RANGAP1: variants seen among roughly 807,000 people sequenced by gnomAD.
RANGAP1 encodes the protein ran GTPase-activating protein 1.
A neutral mutation model predicts 63.5 loss-of-function variants in RANGAP1; 38 were observed. That is an observed-to-expected ratio of 0.60 (90% CI 0.46 to 0.78). RANGAP1 has a LOEUF of 0.78. Ranked by LOEUF, RANGAP1 falls within the 30% of genes least tolerant of loss-of-function variation. RANGAP1 has a pLI of 0.00. For synonymous variants in RANGAP1, 329 were observed against 310.5 expected, an observed-to-expected ratio of 1.06 and a Z score of -0.63; for missense variants, 630 against 740.3, an observed-to-expected ratio of 0.85 and a Z score of 1.73.
At chr22:41,274,822 T>C in intron 2 of RANGAP1, 95 bp from the exon 3 acceptor site, 1 of 1,495,080 alleles carries the variant, frequency 6.7e-7, no homozygotes, top group Non-Finnish European at 9.1e-7. Context: ...CTCAACAGTC[T>C]ATGGTGCACC....
At chr22:41,281,301 A>T (rs183663319) in intron 1 of RANGAP1, 7 of 773,666 alleles carry the variant, frequency 9.0e-6, no homozygotes, top group Non-Finnish European at 1.0e-5. Context: ...GTCTTAGCCT[A>T]TAAGAAGCTA....
At chr22:41,270,501 G>A (rs565551205) in intron 3 of RANGAP1, among the ~76,000 whole-genome samples, 3 of 152,240 alleles carry the variant, frequency 2.0e-5, no homozygotes, top group Non-Finnish European at 2.9e-5. Context: ...AGGCCGGGGC[G>A]TAGCCATGCA....
At chr22:41,276,128 G>A (rs946500907) in intron 2 of RANGAP1, among the ~76,000 whole-genome samples, 14 of 152,180 alleles carry the variant, frequency 9.2e-5, no homozygotes, top group African/African-American at 3.4e-4. Context: ...CATTTGGGCT[G>A]ATCACTCTTT....
intron 2 of RANGAP1, among the ~76,000 whole-genome samples, chr22:41,278,929 G>A (rs1361832851): frequency 6.6e-6 from 1 of 152,174 alleles, no homozygotes; most frequent in Non-Finnish European, 1.5e-5. Context: ...ATGAGGTCAG[G>A]AGATCGAGAC....
At chr22:41,284,137 C>T (rs1056393053) in intron 1 of RANGAP1, among the ~76,000 whole-genome samples, 2 of 152,042 alleles carry the variant, frequency 1.3e-5, no homozygotes, top group African/African-American at 4.8e-5. Flanking sequence ...GTCCCAGCTA[C>T]TCGGGAGGCT....
intron 3 of RANGAP1, among the ~76,000 whole-genome samples, chr22:41,270,770 A>G (rs2034762980): frequency 6.6e-6 from 1 of 152,160 alleles, no homozygotes; most frequent in South Asian, 2.1e-4. Context: ...CCATGAACAC[A>G]CCTGGGGCCT....
At chr22:41,254,630 C>T in intron 10 of RANGAP1, 136 bp from the exon 11 acceptor site, 1 of 1,482,016 alleles carries the variant, frequency 6.7e-7, no homozygotes, top group Non-Finnish European at 8.9e-7. Flanking sequence ...CACCTGCTCC[C>T]AGGGCAGGGG....
rs2033278803 is a variant in RANGAP1 at position 41,249,430 on chromosome 22, T to C, written c.1594A>G (p.Ile532Val). The change falls in exon 15 of 16, where the codon ATT becomes GTT. Residue 532 changes from isoleucine (I) to valine (V), a missense_variant. Around this residue, in one of 3 missense-constraint regions of RANGAP1, gnomAD observed 428 missense variants for 465.5 expected, o/e 0.92. Transcript: ENST00000356244. Reference sequence around the variant, plus strand: ...ATCAGGGGGCCGTACAGGTTGGCAATGGCCTTGACCTTGTCTTCACTCTGA... The same window carrying C: ...ATCAGGGGGCCGTACAGGTTGGCAACGGCCTTGACCTTGTCTTCACTCTGA... Reference protein sequence around the residue: ...LLKSEDKVKAIANLYGPLMAL... With the variant: ...LLKSEDKVKAVANLYGPLMAL... 2 of 1,614,046 alleles carry C rather than the reference T, an allele frequency of 1.2e-6. No homozygotes were observed. The highest frequency in any genetic ancestry group is 1.7e-6 in the Non-Finnish European group (2 of 1,180,020).
the RANGAP1 span, among the ~76,000 whole-genome samples, chr22:41,295,075 G>T: frequency 1.4e-5 from 2 of 143,356 alleles, no homozygotes; most frequent in East Asian, 2.2e-4. Flanking sequence ...GGAGGGAGGT[G>T]GGGGGGTCAG....
At chr22:41,254,162 T>C in intron 11 of RANGAP1, 146 bp downstream of exon 11, 1 of 823,944 alleles carries the variant, frequency 1.2e-6, no homozygotes, top group Non-Finnish European at 1.9e-6. Flanking sequence ...ACCATTTTCC[T>C]TTTTTTACTC....
chr22:41,249,637 G>A (rs375160368), intron 14 of RANGAP1, 92 bp downstream of exon 14: 8 of 1,531,968 alleles, frequency 5.2e-6, no homozygotes, highest in African/African-American at 2.7e-5. Context: ...CTCAGGACTC[G>A]AGGTGAGGGA....
intron 13 of RANGAP1, among the ~76,000 whole-genome samples, chr22:41,250,673 G>T (rs190916318): frequency 6.6e-6 from 1 of 152,168 alleles, no homozygotes; most frequent in South Asian, 2.1e-4. Context: ...GTGTGGACAA[G>T]GGCTTGGCTC....
chr22:41,261,320 G>A (rs1024941051), intron 6 of RANGAP1, 126 bp downstream of exon 6: 1 of 1,406,898 alleles, frequency 7.1e-7, no homozygotes, highest in South Asian at 1.3e-5. Context: ...CAGGCTTGGA[G>A]AGGGCACGTG....
At chr22:41,249,303 C>G (rs375396514) in intron 15 of RANGAP1, 27 bp downstream of exon 15, 2 of 1,567,068 alleles carry the variant, frequency 1.3e-6, no homozygotes, top group Non-Finnish European at 1.7e-6. Flanking sequence ...AGGGCAGGCA[C>G]CGGCAGAAGG....
intron 2 of RANGAP1, among the ~76,000 whole-genome samples, chr22:41,276,986 GAAAA>G (rs762582801): frequency 1.8e-5 from 1 of 56,030 alleles, no homozygotes; most frequent in Non-Finnish European, 3.7e-5. Context: ...CTGTTTCTCA[GAAAA>G]AAAAAAAAAA....
chr22:41,291,794 G>C, the RANGAP1 span, among the ~76,000 whole-genome samples: 3 of 151,250 alleles, frequency 2.0e-5, no homozygotes, highest in Admixed American at 6.6e-5. Flanking sequence ...CCAGCTACTC[G>C]GGAGGCTGAG....
chr22:41,279,558 T>C lies in RANGAP1; in HGVS notation c.112+1375A>G, dbSNP rs143647450. Among the ~76,000 whole-genome samples, 393 of 150,304 alleles carry C rather than the reference T, an allele frequency of 2.6e-3. 1 individual carries two copies. The highest frequency in any genetic ancestry group is 9.2e-3 in the African/African-American group (378 of 40,868). On this transcript the variant is annotated intron_variant, in intron 2 of 15. Coordinates refer to ENST00000356244, the MANE Select transcript of RANGAP1 (RefSeq NM_002883.4). Reference sequence around the variant, plus strand: ...TACCCAGGAGGCTGAGGCATGAGAATTGCCTGAACCCAGGCAGAGGTTAAA... The same window carrying C: ...TACCCAGGAGGCTGAGGCATGAGAACTGCCTGAACCCAGGCAGAGGTTAAA...
chr22:41,253,218 G>GCTA (rs1227212021), intron 11 of RANGAP1, among the ~76,000 whole-genome samples: 1 of 152,170 alleles, frequency 6.6e-6, no homozygotes, highest in East Asian at 1.9e-4. Context: ...TGAGGGGGAA[G>GCTA]CTACCTCCCT....
the RANGAP1 span, among the ~76,000 whole-genome samples, chr22:41,291,885 A>G: frequency 6.6e-6 from 1 of 151,676 alleles, no homozygotes; most frequent in Middle Eastern, 3.4e-3. Context: ...TGGGCGACAG[A>G]GCGAGACTCT....
Sources: gnomAD v4.1 joint callset for allele counts (sites outside exome capture counted in the v4.1 genomes callset) on GRCh38, gnomAD v4.1.1 for gene constraint, gnomAD v4.1.1 regional missense constraint, MANE v1.5 for transcripts, NCBI Gene and HGNC (gene_info 2026-07-23, HGNC 2026-07-21) for gene names.